The following FGF10 variants were observed in gnomAD, a reference collection of about 807,000 sequenced individuals.
FGF10 encodes FGF-10.
In FGF10, 2 loss-of-function variants were observed where a neutral mutation model predicts 19.8. The ratio of observed to expected loss-of-function variants is 0.10; its 90% CI spans 0.04 to 0.32. The LOEUF (loss-of-function observed/expected upper bound fraction) is 0.32. Ranked by LOEUF, FGF10 falls within the 10% of genes least tolerant of loss-of-function variation. The pLI is 1.00. For synonymous variants in FGF10, 112 were observed against 94.0 expected (o/e 1.19, Z -1.10); for missense variants, 191 against 246.3 (o/e 0.78, Z 1.50).
At chr5:44,384,993 G>T (rs1349831111) in intron 1 of FGF10, among the ~76,000 whole-genome samples, 1 of 152,084 alleles carries the variant, frequency 6.6e-6, no homozygotes, top group Non-Finnish European at 1.5e-5. Context: ...ACTGGTCCCA[G>T]TTGCAAGGAT....
intron 1 of FGF10, among the ~76,000 whole-genome samples, chr5:44,334,778 C>A (rs1014743894): frequency 7.9e-5 from 12 of 152,114 alleles, no homozygotes; most frequent in South Asian, 4.1e-4. Flanking sequence ...TAATGCCTAG[C>A]GAAAGCTGGT....
At chr5:44,349,461 TATATATATCAGA>T (rs1291585322) in intron 1 of FGF10, among the ~76,000 whole-genome samples, 804 of 31,078 alleles carry the variant, frequency 0.026, 32 homozygotes, top group Non-Finnish European at 0.033. Context: ...TATATATATA[TATATATATCAGA>T]ATATATATAT....
intron 1 of FGF10, among the ~76,000 whole-genome samples, chr5:44,377,699 G>A (rs1741896631): frequency 6.6e-6 from 1 of 152,110 alleles, no homozygotes; most frequent in African/African-American, 2.4e-5. Context: ...TGAAATGCTT[G>A]GGATCAGAAA....
At chr5:44,307,077 T>C (rs11955274) in intron 2 of FGF10, among the ~76,000 whole-genome samples, 4,106 of 152,286 alleles carry the variant, frequency 0.027, 188 homozygotes, top group African/African-American at 0.092. Flanking sequence ...ATATTTCAGA[T>C]GAAGCTAGGT....
chr5:44,339,061 T>A (rs1740912115), intron 1 of FGF10, among the ~76,000 whole-genome samples: 1 of 152,182 alleles, frequency 6.6e-6, no homozygotes, highest in East Asian at 1.9e-4. Flanking sequence ...TTTTACTATT[T>A]TTTCTAAAAG....
chr5:44,337,702 G>A (rs1740884352), intron 1 of FGF10, among the ~76,000 whole-genome samples: 1 of 152,200 alleles, frequency 6.6e-6, no homozygotes, highest in Admixed American at 6.5e-5. Flanking sequence ...AGCACTTTGG[G>A]AGGCTGAGAC....
chr5:44,376,509 A>AAAAAC (rs1741864420), intron 1 of FGF10, among the ~76,000 whole-genome samples: 1 of 141,802 alleles, frequency 7.1e-6, no homozygotes, highest in Non-Finnish European at 1.5e-5. Context: ...AAAAAAAAAA[A>AAAAAC]AAAAAAAACA....
At chr5:44,342,792 GTC>G (rs1740998842) in intron 1 of FGF10, among the ~76,000 whole-genome samples, 2 of 152,100 alleles carry the variant, frequency 1.3e-5, no homozygotes, top group South Asian at 2.1e-4. Context: ...GGGGATGTCA[GTC>G]TCTCTGTTTT....
At chr5:44,313,376 A>C (rs1488220445) in intron 1 of FGF10, among the ~76,000 whole-genome samples, 1 of 152,040 alleles carries the variant, frequency 6.6e-6, no homozygotes, top group Non-Finnish European at 1.5e-5. Context: ...TTTGCCTATC[A>C]AATTATTTTT....
intron 1 of FGF10, among the ~76,000 whole-genome samples, chr5:44,343,058 C>T (rs1741004276): frequency 6.6e-6 from 1 of 151,934 alleles, no homozygotes. Context: ...GTTGCCCTTA[C>T]ATGAACAAAT....
At chr5:44,329,968 G>A (rs1740693544) in intron 1 of FGF10, among the ~76,000 whole-genome samples, 1 of 152,138 alleles carries the variant, frequency 6.6e-6, no homozygotes, top group African/African-American at 2.4e-5. Context: ...AGCTGGTCTA[G>A]GATAAGCCAC....
At chr5:44,383,186 TG>T (rs1742021069) in intron 1 of FGF10, among the ~76,000 whole-genome samples, 1 of 152,066 alleles carries the variant, frequency 6.6e-6, no homozygotes, top group African/African-American at 2.4e-5. Context: ...GTTAGACATT[TG>T]GATAATAAAT....
intron 1 of FGF10, among the ~76,000 whole-genome samples, chr5:44,327,899 G>C (rs578150979): frequency 2.0e-5 from 3 of 152,162 alleles, no homozygotes; most frequent in Non-Finnish European, 4.4e-5. Context: ...AATTGCATTT[G>C]TGGTACTAGG....
At chr5:44,349,608 A>G (rs1377305880) in intron 1 of FGF10, among the ~76,000 whole-genome samples, 1 of 148,666 alleles carries the variant, frequency 6.7e-6, no homozygotes, top group Non-Finnish European at 1.5e-5. Flanking sequence ...TGTACATGAC[A>G]TATCAGTTTG....
At chr5:44,349,015 G>C (rs150685642) in intron 1 of FGF10, among the ~76,000 whole-genome samples, 1 of 151,408 alleles carries the variant, frequency 6.6e-6, no homozygotes, top group Admixed American at 6.6e-5. Flanking sequence ...TCCAAAACTC[G>C]TTCAAGAAAT....
intron 1 of FGF10, among the ~76,000 whole-genome samples, chr5:44,316,536 G>A (rs185860987): frequency 1.6e-4 from 25 of 152,220 alleles, no homozygotes; most frequent in Admixed American, 7.9e-4. Context: ...TCCAAACAGT[G>A]CTGATTCTGC....
intron 1 of FGF10, among the ~76,000 whole-genome samples, chr5:44,352,660 T>G (rs949399213): frequency 5.9e-5 from 9 of 151,730 alleles, no homozygotes; most frequent in Non-Finnish European, 1.3e-4. Context: ...AGGCTTCTTA[T>G]GCTGAGAAAA....
chr5:44,368,353 T>C (rs1741666983), intron 1 of FGF10, among the ~76,000 whole-genome samples: 1 of 151,770 alleles, frequency 6.6e-6, no homozygotes, highest in Admixed American at 6.5e-5. Context: ...CACAAAACAT[T>C]AGGAAAAAGA....
intron 1 of FGF10, among the ~76,000 whole-genome samples, chr5:44,362,036 ACT>A (rs1009761454): frequency 6.6e-6 from 1 of 151,578 alleles, no homozygotes; most frequent in Non-Finnish European, 1.5e-5. Flanking sequence ...AAGAGACTAT[ACT>A]CTCTAAAAAG....
Sources: allele counts gnomAD v4.1 joint callset (sites outside exome capture counted in the v4.1 genomes callset), GRCh38; gene constraint gnomAD v4.1.1; transcripts MANE v1.5; gene names NCBI Gene and HGNC (gene_info 2026-07-23, HGNC 2026-07-21).